SLC25A13: variants seen among roughly 807,000 people sequenced by gnomAD.
The protein encoded by SLC25A13 is solute carrier family 25 member 13, also known as electrogenic aspartate/glutamate antiporter SLC25A13, mitochondrial.
A neutral mutation model predicts 85.5 loss-of-function variants in SLC25A13; 70 were observed. That is an observed-to-expected ratio of 0.82 (90% CI 0.68 to 1.00). The LOEUF (loss-of-function observed/expected upper bound fraction) is 1.00, where lower values mean the gene tolerates loss of function less well. Among genes scored for constraint, SLC25A13 ranks in the 50% least tolerant of loss-of-function variants. The pLI, the probability that SLC25A13 is intolerant of heterozygous loss-of-function variation, is 0.00. For synonymous variants in SLC25A13, 259 were observed against 288.7 expected (o/e 0.90, Z 1.04); for missense variants, 765 against 819.8 (o/e 0.93, Z 0.82).
At position 96,163,329 on chromosome 7, in the gene SLC25A13, T is replaced by G. The variant is rs182636144; in HGVS notation, c.1311+6716A>C. ...AAGCTACACAGAGAAGTCAAGCAGG[T>G]GCTCTGGAGCACAGCCCCAGCTGTT... On this transcript the variant is annotated intron_variant, in intron 13 of 17. Transcript: ENST00000265631. Among the ~76,000 whole-genome samples the G allele has an allele frequency of 6.4e-3, 978 of 152,260 alleles. 7 individuals carry two copies. The highest frequency in any genetic ancestry group is 0.016 in the South Asian group (76 of 4,820).
chr7:96,238,539 A>G (rs1271065244), intron 3 of SLC25A13, among the ~76,000 whole-genome samples: 1 of 152,210 alleles, frequency 6.6e-6, no homozygotes, highest in East Asian at 1.9e-4. Context: ...AAGTGCCCAC[A>G]AGCATTTCAT....
At chr7:96,168,129 A>AAAAAAAG (rs1562810139) in intron 13 of SLC25A13, among the ~76,000 whole-genome samples, 3 of 143,570 alleles carry the variant, frequency 2.1e-5, no homozygotes, top group Non-Finnish European at 4.5e-5. Context: ...AAAAAAAAAA[A>AAAAAAAG]GCACGTGTGC....
At chr7:96,300,960 T>C (rs1267713694) in intron 1 of SLC25A13, among the ~76,000 whole-genome samples, 1 of 152,220 alleles carries the variant, frequency 6.6e-6, no homozygotes, top group Non-Finnish European at 1.5e-5. Context: ...TAAGTGTCAT[T>C]TGCTATGAAT....
chr7:96,289,635 G>A (rs1799035641), intron 2 of SLC25A13, among the ~76,000 whole-genome samples: 3 of 152,160 alleles, frequency 2.0e-5, no homozygotes, highest in Non-Finnish European at 2.9e-5. Flanking sequence ...TAGCCGATTC[G>A]ATCAACTGGA....
At chr7:96,264,232 A>C (rs138254435) in intron 3 of SLC25A13, among the ~76,000 whole-genome samples, 2 of 152,124 alleles carry the variant, frequency 1.3e-5, no homozygotes, top group Non-Finnish European at 1.5e-5. Flanking sequence ...AACTGGTCTC[A>C]CTTTAAATTT....
chr7:96,192,832 A>G (rs1458934112), intron 6 of SLC25A13, among the ~76,000 whole-genome samples: 1 of 152,148 alleles, frequency 6.6e-6, no homozygotes, highest in Non-Finnish European at 1.5e-5. Context: ...TCTCGAAGAT[A>G]TTCCGTATTA....
At chr7:96,130,619 T>C (rs1177052730) in intron 15 of SLC25A13, among the ~76,000 whole-genome samples, 1 of 152,166 alleles carries the variant, frequency 6.6e-6, no homozygotes, top group African/African-American at 2.4e-5. Flanking sequence ...GTTCAAAACA[T>C]TTTCTCATTT....
intron 14 of SLC25A13, among the ~76,000 whole-genome samples, chr7:96,140,051 C>T (rs997645555): frequency 1.8e-4 from 27 of 146,150 alleles, no homozygotes; most frequent in African/African-American, 6.6e-4. Context: ...CTCCGCCTCC[C>T]GGGTTCACGC....
At chr7:96,194,469 G>GAAAAAAAAAAAAAAAAAAAAAAAAAAAA (rs1794986209) in intron 5 of SLC25A13, among the ~76,000 whole-genome samples, 1 of 50,126 alleles carries the variant, frequency 2.0e-5, no homozygotes, top group Non-Finnish European at 4.6e-5. Context: ...AAAAAAAAAG[G>GAAAAAAAAAAAAAAAAAAAAAAAAAAAA]AACACCAACA....
At chr7:96,227,754 T>C (rs186858044) in intron 4 of SLC25A13, among the ~76,000 whole-genome samples, 56 of 152,292 alleles carry the variant, frequency 3.7e-4, no homozygotes, top group African/African-American at 1.3e-3. Flanking sequence ...TTTAGTACCA[T>C]GCAAAAATAT....
chr7:96,278,653 C>T (rs1798550574), intron 2 of SLC25A13, among the ~76,000 whole-genome samples: 1 of 152,276 alleles, frequency 6.6e-6, no homozygotes, highest in Non-Finnish European at 1.5e-5. Context: ...ATATACTTAG[C>T]ACAACGCCCT....
intron 2 of SLC25A13, among the ~76,000 whole-genome samples, chr7:96,296,316 T>C (rs767965562): frequency 7.9e-5 from 12 of 152,100 alleles, no homozygotes; most frequent in Non-Finnish European, 1.3e-4. Context: ...GAAAGGTAAA[T>C]GGGTTGCAAA....
At chr7:96,211,581 A>G (rs1348407581) in intron 4 of SLC25A13, among the ~76,000 whole-genome samples, 1 of 152,172 alleles carries the variant, frequency 6.6e-6, no homozygotes, top group African/African-American at 2.4e-5. Flanking sequence ...TAGCCCCTTC[A>G]CAGCAAAGAC....
chr7:96,191,116 C>G lies in SLC25A13; in HGVS notation c.747G>C (p.Val249=), dbSNP rs1794829807. 6.2e-7 allele frequency: 1 copy of G among 1,613,940 alleles called. No individual in the cohort carries two copies. The change falls in exon 7 of 18, where the codon GTG becomes GTC. Residue 249 remains valine, a synonymous_variant. Transcript: ENST00000265631. ...AGATATATTCTCACTCACCCTTAGT[C>G]ACTTCAACATCTTTCCTGGTGCCAG... ...TLAGTRKDVE[V]TKEEFVLAAQ...
chr7:96,278,311 T>C (rs1798537162), intron 2 of SLC25A13, among the ~76,000 whole-genome samples: 2 of 152,202 alleles, frequency 1.3e-5, no homozygotes, highest in Non-Finnish European at 2.9e-5. Context: ...ACCACACTGG[T>C]AGCCATAGTG....
In SLC25A13 at chr7:96,148,841, A is replaced by T. The variant is rs570616139; in HGVS notation, c.1312-2145T>A. Reference sequence around the variant, plus strand: ...AGTTGAGTGTCCCACATGAAGGCAGAGCTTCGGTCTCCCTATTTGTCAAAC... The same window carrying T: ...AGTTGAGTGTCCCACATGAAGGCAGTGCTTCGGTCTCCCTATTTGTCAAAC... On this transcript the variant is annotated intron_variant, in intron 13 of 17. Coordinates refer to ENST00000265631, the MANE Select transcript of SLC25A13 (RefSeq NM_014251.3). Among the ~76,000 whole-genome samples, 3 of 152,314 alleles carry T rather than the reference A, an allele frequency of 2.0e-5. No individual in the cohort carries two copies. In the South Asian group the frequency reaches 6.2e-4, roughly 32 times the overall value.
chr7:96,285,722 T>C (rs1005763427), intron 2 of SLC25A13, among the ~76,000 whole-genome samples: 1 of 152,188 alleles, frequency 6.6e-6, no homozygotes, highest in Non-Finnish European at 1.5e-5. Context: ...TGGTCTCTTA[T>C]ATAAAATCTG....
At chr7:96,289,315 G>A (rs1055473386) in intron 2 of SLC25A13, among the ~76,000 whole-genome samples, 1 of 152,164 alleles carries the variant, frequency 6.6e-6, no homozygotes, top group Non-Finnish European at 1.5e-5. Flanking sequence ...GGAAAAAACA[G>A]AGCAGAAAAG....
intron 11 of SLC25A13, among the ~76,000 whole-genome samples, chr7:96,183,246 G>A (rs4729240): frequency 0.46 from 70,060 of 151,948 alleles, 17,350 homozygotes; most frequent in African/African-American, 0.65. Context: ...TGGAGTTTGA[G>A]ACTTTCTGGC....
Sources: allele counts gnomAD v4.1 joint callset (sites outside exome capture counted in the v4.1 genomes callset), GRCh38; gene constraint gnomAD v4.1.1; transcripts MANE v1.5; gene names NCBI Gene and HGNC (gene_info 2026-07-23, HGNC 2026-07-21).